The following MKLN1 variants were observed in gnomAD, a reference collection of about 807,000 sequenced individuals.
MKLN1 encodes muskelin 1.
Under a neutral mutation model 99.0 loss-of-function variants are expected in MKLN1, and 18 were observed. The observed-to-expected ratio is 0.18, with a 90% confidence interval of 0.13 to 0.27. The LOEUF (loss-of-function observed/expected upper bound fraction) is 0.27. Among genes scored for constraint, MKLN1 ranks in the 10% least tolerant of loss-of-function variants. MKLN1 has a pLI of 1.00. For missense variants in MKLN1, 621 were observed against 875.9 expected, an observed-to-expected ratio of 0.71 and a Z score of 3.67; for synonymous variants, 288 against 293.2, an observed-to-expected ratio of 0.98 and a Z score of 0.18.
chr7:131,485,988 C>T (rs781276858), intron 17 of MKLN1, among the ~76,000 whole-genome samples: 2 of 152,058 alleles, frequency 1.3e-5, no homozygotes, highest in Non-Finnish European at 2.9e-5. Context: ...AGTTAATGTT[C>T]TTGTTCTGAG....
chr7:131,153,827 T>A (rs879541362), intron 2 of MKLN1, among the ~76,000 whole-genome samples: 15 of 152,174 alleles, frequency 9.9e-5, no homozygotes, highest in Non-Finnish European at 2.2e-4. Context: ...CATGCTTAGC[T>A]AATTTTTGTA....
intron 2 of MKLN1, among the ~76,000 whole-genome samples, chr7:131,147,441 C>A (rs1795831525): frequency 6.6e-6 from 1 of 152,014 alleles, no homozygotes; most frequent in African/African-American, 2.4e-5. Flanking sequence ...AGATTGTGAC[C>A]CCTTCTTGTA....
intron 2 of MKLN1, among the ~76,000 whole-genome samples, chr7:131,182,467 T>C (rs751155608): frequency 2.6e-5 from 4 of 152,238 alleles, no homozygotes; most frequent in Non-Finnish European, 4.4e-5. Flanking sequence ...ACAATTTAGC[T>C]TATCCTTTAG....
At chr7:131,201,393 C>T (rs544738603) in intron 2 of MKLN1, among the ~76,000 whole-genome samples, 11 of 152,170 alleles carry the variant, frequency 7.2e-5, no homozygotes, top group Non-Finnish European at 1.5e-4. Context: ...GAAGCACCAA[C>T]TTGAATTAGT....
chr7:131,418,369 C>CAAAAAAAAAAAAAA (rs943898750), intron 8 of MKLN1, among the ~76,000 whole-genome samples: 1 of 54,790 alleles, frequency 1.8e-5, no homozygotes. Context: ...GACTTCGTCT[C>CAAAAAAAAAAAAAA]AAAAAAAAAA....
intron 3 of MKLN1, among the ~76,000 whole-genome samples, chr7:131,282,965 C>T (rs929787056): frequency 2.0e-5 from 3 of 152,140 alleles, no homozygotes; most frequent in South Asian, 2.1e-4. Flanking sequence ...GCAGCTCTGA[C>T]TCTGTTTAGG....
chr7:131,221,903 TTTTA>T (rs953113002), intron 3 of MKLN1, among the ~76,000 whole-genome samples: 2 of 151,900 alleles, frequency 1.3e-5, no homozygotes, highest in Non-Finnish European at 2.9e-5. Context: ...AGTGCTTTTA[TTTTA>T]TTTATTTATT....
chr7:131,289,151 A>G (rs1798178342), intron 3 of MKLN1, among the ~76,000 whole-genome samples: 1 of 152,064 alleles, frequency 6.6e-6, no homozygotes, highest in African/African-American at 2.4e-5. Context: ...AAACCATCTC[A>G]TGAGCATAGG....
chr7:131,167,141 C>T (rs951218411), intron 2 of MKLN1, among the ~76,000 whole-genome samples: 2 of 151,916 alleles, frequency 1.3e-5, no homozygotes, highest in African/African-American at 4.8e-5. Context: ...ATATCACAAC[C>T]TGGAAACTGA....
intron 3 of MKLN1, among the ~76,000 whole-genome samples, chr7:131,288,960 A>G (rs767320266): frequency 2.0e-5 from 3 of 152,090 alleles, no homozygotes; most frequent in Non-Finnish European, 4.4e-5. Context: ...GCAGGTGGTT[A>G]GGCAGAGCCT....
intron 6 of MKLN1, among the ~76,000 whole-genome samples, chr7:131,410,087 C>G (rs933823462): frequency 6.6e-6 from 1 of 151,998 alleles, no homozygotes. Context: ...TTAAACTAAT[C>G]TTTGTTGAGG....
intron 1 of MKLN1, among the ~76,000 whole-genome samples, chr7:131,329,006 T>C (rs1798983686): frequency 1.3e-5 from 2 of 152,240 alleles, no homozygotes; most frequent in Admixed American, 1.3e-4. Flanking sequence ...AGAAAAGTGC[T>C]AGTTGTCCCT....
At chr7:131,229,779 C>T (rs954666277) in intron 3 of MKLN1, among the ~76,000 whole-genome samples, 1 of 152,072 alleles carries the variant, frequency 6.6e-6, no homozygotes, top group East Asian at 1.9e-4. Flanking sequence ...GTGTCGAACT[C>T]CTGGGCTCAA....
intron 2 of MKLN1, among the ~76,000 whole-genome samples, chr7:131,192,192 TATAATATATACAATATATAAATATATAAA>T (rs1215726640): frequency 0.058 from 5,337 of 92,124 alleles, 682 homozygotes; most frequent in Non-Finnish European, 0.071. Flanking sequence ...ATATATAAAA[TATAATATATACAATATATAAATATATAAA>T]ATATATACAA....
At chr7:131,363,646 C>T (rs1205072964) in intron 1 of MKLN1, among the ~76,000 whole-genome samples, 3 of 151,770 alleles carry the variant, frequency 2.0e-5, no homozygotes, top group Non-Finnish European at 4.4e-5. Flanking sequence ...CTTGTTTGTT[C>T]CTTTGTGAAG....
At chr7:131,375,607 A>G (rs923256779) in intron 2 of MKLN1, 114 bp downstream of exon 2, 43 of 662,136 alleles carry the variant, frequency 6.5e-5, no homozygotes, top group Non-Finnish European at 1.0e-4. Context: ...TGAGATTGTG[A>G]GGTAAATTTT....
chr7:131,470,048 G>T (rs979598969), intron 15 of MKLN1, among the ~76,000 whole-genome samples: 1 of 151,974 alleles, frequency 6.6e-6, no homozygotes, highest in East Asian at 1.9e-4. Context: ...GCTAATTTTT[G>T]TAGAGATGGG....
chr7:131,179,596 G>T (rs1393743209), intron 2 of MKLN1, among the ~76,000 whole-genome samples: 1 of 151,480 alleles, frequency 6.6e-6, no homozygotes, highest in Non-Finnish European at 1.5e-5. Flanking sequence ...GTTGTTTTGA[G>T]ATAGGGTCTT....
chr7:131,180,421 G>C (rs979119349), intron 2 of MKLN1, among the ~76,000 whole-genome samples: 16 of 152,038 alleles, frequency 1.1e-4, no homozygotes, highest in African/African-American at 3.6e-4. Context: ...GTTTAAGGCC[G>C]GGCGCAGTGG....
Sources: allele counts gnomAD v4.1 joint callset (sites outside exome capture counted in the v4.1 genomes callset), GRCh38; gene constraint gnomAD v4.1.1; transcripts MANE v1.5; gene names NCBI Gene and HGNC (gene_info 2026-07-23, HGNC 2026-07-21).